DDX54: variants seen among roughly 807,000 people sequenced by gnomAD.
DDX54 encodes ATP-dependent RNA helicase DDX54.
A neutral mutation model predicts 105.5 loss-of-function variants in DDX54; 67 were observed. That is an observed-to-expected ratio of 0.64 (90% CI 0.52 to 0.78). DDX54 has a LOEUF of 0.78. Ranked by LOEUF, DDX54 falls within the 30% of genes least tolerant of loss-of-function variation. The probability of loss-of-function intolerance (pLI) is 0.00; values close to 1 mark genes in which losing one functional copy is unlikely to be tolerated. For missense variants in DDX54, 1,206 were observed against 1,230.5 expected, an observed-to-expected ratio of 0.98 and a Z score of 0.30; for synonymous variants, 514 against 509.9, an observed-to-expected ratio of 1.01 and a Z score of -0.11.
intron 1 of DDX54, 22 bp from the exon 2 acceptor site, chr12:113,181,080 G>A: frequency 1.2e-6 from 2 of 1,606,900 alleles, no homozygotes; most frequent in Non-Finnish European, 1.7e-6. Flanking sequence ...GGACAGAGAG[G>A]TGGTGTCACT....
chr12:113,171,085 T>G (rs994495083), intron 11 of DDX54, among the ~76,000 whole-genome samples: 4 of 152,162 alleles, frequency 2.6e-5, no homozygotes, highest in African/African-American at 9.7e-5. Context: ...AGAAATTCCC[T>G]TTGGGGGCGT....
intron 19 of DDX54, 109 bp from the exon 20 acceptor site, chr12:113,159,218 A>G (rs1175480568): frequency 3.3e-6 from 4 of 1,228,494 alleles, no homozygotes; most frequent in Admixed American, 2.4e-5. Flanking sequence ...TTCTGTGCTT[A>G]TTGCTGTGGC....
In DDX54 at chr12:113,163,101, T is replaced by C. The variant is rs745711580; in HGVS notation, c.2081+31A>G. 1 of 1,611,350 alleles carries C rather than the reference T, an allele frequency of 6.2e-7. No homozygotes were observed. The highest frequency in any genetic ancestry group is 1.1e-5 in the South Asian group (1 of 90,954). The stretch of plus-strand genomic sequence containing the variant: ...ATTGATGGGACCCAGCGGACCCAAC[T>C]GCCCCACCCAGGACCCAGCCAGCCA... On this transcript the variant is annotated intron_variant, in intron 16 of 19. Coordinates refer to ENST00000306014, the MANE Select transcript of DDX54 (RefSeq NM_024072.4). The surrounding 1 kb of genome is among the most constrained non-coding windows in gnomAD (Gnocchi z 5.9).
chr12:113,157,721 AC>A lies in DDX54; in HGVS notation c.*1155del. The A allele has an allele frequency of 6.8e-7, 1 of 1,481,100 alleles. No homozygotes were observed. The highest frequency in any genetic ancestry group is 9.2e-7 in the Non-Finnish European group (1 of 1,084,664). 91.7% of individuals were successfully genotyped at this position (1,481,100 alleles called of 1,614,324 possible). A position where few individuals can be genotyped will look rare whatever the true frequency, so the allele number is the denominator to read the frequency against. ...CAGCGGGAGAGGGAACCCCTGAGAG[AC>A]CCTGAGATAGGAGGGCCCACATTTC... On this transcript the variant is annotated 3_prime_UTR_variant, in exon 20 of 20. Coordinates refer to ENST00000306014, the MANE Select transcript of DDX54 (RefSeq NM_024072.4).
intron 19 of DDX54, among the ~76,000 whole-genome samples, chr12:113,160,495 C>G (rs542779610): frequency 6.6e-6 from 1 of 152,336 alleles, no homozygotes; most frequent in South Asian, 2.1e-4. Flanking sequence ...AGGACAGAGC[C>G]TGCCTGCACC....
Position 113,185,443 on chromosome 12 carries a change from G to T in DDX54, c.9C>A (p.Ala3=). 1.3e-6 allele frequency: 2 copies of T among 1,508,130 alleles called. No individual in the cohort carries two copies. The highest frequency in any genetic ancestry group is 8.8e-7 in the Non-Finnish European group (1 of 1,131,974). The allele number at this position is 1,508,130 out of a possible 1,614,324, so 93.4% of individuals were successfully genotyped here. Residue 3 remains alanine, a synonymous_variant, in exon 1 of 20, where the codon GCC becomes GCA. Transcript: ENST00000306014. MA[A]DKGPAAGPRS... ...GAGGTCCAGCCGCCGGGCCCTTGTC[G>T]GCCGCCATTCGGGCCGCGCGCTGGG...
Position 113,157,630 on chromosome 12 carries a change from C to A in DDX54, c.*1247G>T. 6.4e-7 allele frequency: 1 copy of A among 1,551,672 alleles called. No individual in the cohort carries two copies. The highest frequency in any genetic ancestry group is 8.7e-7 in the Non-Finnish European group (1 of 1,146,998). ...AAGCTGTTCATGCAGGACCTCTCTG[C>A]CATGCTGGCCGGCCTGGGTCAGGCT... is the stretch of plus-strand genomic sequence containing the variant. On this transcript the variant is annotated 3_prime_UTR_variant, in exon 20 of 20. Transcript: ENST00000306014.
chr12:113,160,589 G>A (rs756966055), intron 19 of DDX54, among the ~76,000 whole-genome samples: 1 of 152,158 alleles, frequency 6.6e-6, no homozygotes, highest in African/African-American at 2.4e-5. Flanking sequence ...ACCTTAGCTT[G>A]TTACTGGCTG....
At chr12:113,160,645 A>C (rs1952192049) in intron 19 of DDX54, among the ~76,000 whole-genome samples, 1 of 152,102 alleles carries the variant, frequency 6.6e-6, no homozygotes, top group South Asian at 2.1e-4. Context: ...CAGATGACCA[A>C]ATGTACCACT....
Position 113,180,963 on chromosome 12 carries a change from C to T in DDX54, c.270G>A (p.Lys90=), listed in dbSNP as rs763470495. The T allele has an allele frequency of 6.2e-7, 1 of 1,613,418 alleles. No individual in the cohort carries two copies. Among genetic ancestry groups the T allele is most frequent in the South Asian group, 1.1e-5 (1 of 90,960 alleles). ...GGAAGCCTCCAGACTTCTTCTTCTTCTTGTTCTGGGCACGCACCATCTCCC... is the reference window on the plus strand; with the variant it reads ...GGAAGCCTCCAGACTTCTTCTTCTTTTTGTTCTGGGCACGCACCATCTCCC... ...DTREMVRAQN[K]KKKKSGGFQS... is the part of the protein sequence containing the mutation. The change falls in exon 2 of 20, where the codon AAG becomes AAA. Residue 90 remains lysine (K), a synonymous_variant. Transcript: ENST00000306014.
chr12:113,176,749 C>G, intron 7 of DDX54, 91 bp downstream of exon 7: 1 of 1,403,186 alleles, frequency 7.1e-7, no homozygotes, highest in Non-Finnish European at 9.9e-7. Context: ...CCACACAGGG[C>G]TCTCCTGGCA....
chr12:113,158,951 C>G lies in DDX54; in HGVS notation c.2572G>C (p.Val858Leu). 6.2e-7 allele frequency: 1 copy of G among 1,611,490 alleles called. No homozygotes were observed. Among genetic ancestry groups the G allele is most frequent in the East Asian group, 2.2e-5 (1 of 44,846 alleles). ...KQLSARNRRR[V>L]QELQQGAFGR... ...AAGGCGCCCTGCTGCAGCTCCTGGA[C>G]GCGGCGGCGGTTGCGGGCAGAGAGC... Residue 858 changes from valine to leucine, a missense_variant, in exon 20 of 20, where the codon GTC becomes CTC. Physicochemically the swap from Val to Leu is conservative, Grantham distance 32 (BLOSUM62 1). This residue lies in a region of DDX54 where 961 missense variants were observed against 1,019.1 expected (regional missense o/e 0.94). Transcript: ENST00000306014. The surrounding 1 kb of genome is among the most constrained non-coding windows in gnomAD (Gnocchi z 4.9).
chr12:113,165,766 C>T, intron 13 of DDX54, 36 bp downstream of exon 13: 1 of 1,602,376 alleles, frequency 6.2e-7, no homozygotes, highest in Non-Finnish European at 8.5e-7. Flanking sequence ...GTCAGCAAGG[C>T]CCACCTGCCA....
At chr12:113,161,159 C>T in intron 19 of DDX54, 111 bp downstream of exon 19, 2 of 787,680 alleles carry the variant, frequency 2.5e-6, no homozygotes, top group Non-Finnish European at 3.8e-6. Flanking sequence ...CCCAACACAC[C>T]CAGCTCTGGG....
Position 113,179,827 on chromosome 12 carries a change from G to T in DDX54, c.375+108C>A, listed in dbSNP as rs58080793. 1,031 of 1,306,400 alleles carry T rather than the reference G, an allele frequency of 7.9e-4. 9 individuals carry two copies. In the African/African-American group the frequency reaches 0.01, roughly 13 times the overall value. The allele number at this position is 1,306,400 out of a possible 1,614,324, so 80.9% of individuals were successfully genotyped here. A position where few individuals can be genotyped will look rare whatever the true frequency, so the allele number is the denominator to read the frequency against. On this transcript the variant is annotated intron_variant, in intron 3 of 19. Transcript: ENST00000306014. ...TAGCTGGGGCTTCAGCAGAGTAAAG[G>T]GGGCAGGAGATGTGACAGGTGGGAC... is the stretch of plus-strand genomic sequence containing the variant.
At chr12:113,183,327 C>T (rs1952487932) in intron 1 of DDX54, among the ~76,000 whole-genome samples, 1 of 152,238 alleles carries the variant, frequency 6.6e-6, no homozygotes, top group African/African-American at 2.4e-5. Context: ...TACACTTAGA[C>T]TCCTCTTCTT....
intron 7 of DDX54, 21 bp downstream of exon 7, chr12:113,176,819 G>A: frequency 1.2e-6 from 2 of 1,613,260 alleles, no homozygotes; most frequent in Non-Finnish European, 1.7e-6. Context: ...CAAGTGCTCA[G>A]GGCTGGACCT....
chr12:113,159,523 C>A (rs1952179960), intron 19 of DDX54, among the ~76,000 whole-genome samples: 1 of 152,172 alleles, frequency 6.6e-6, no homozygotes, highest in Non-Finnish European at 1.5e-5. Context: ...AATTCTCCAA[C>A]CAAGGAGTGT....
rs535435951 is a variant in DDX54 at position 113,176,092 on chromosome 12, C to A, written c.752+748G>T. 3.3e-5 allele frequency among the ~76,000 whole-genome samples: 5 copies of A among 151,784 alleles called. No individual in the cohort carries two copies. The South Asian group carries it at 1.0e-3, about 32-fold the overall frequency. The stretch of plus-strand genomic sequence containing the variant: ...ATCAAGTCTTCTGGTCCTCACAACA[C>A]CCCTGTGAGGTACGTGCTACTTTAT... On this transcript the variant is annotated intron_variant, in intron 7 of 19. Coordinates refer to ENST00000306014, the MANE Select transcript of DDX54 (RefSeq NM_024072.4).
Sources: gnomAD v4.1 joint callset for allele counts (sites outside exome capture counted in the v4.1 genomes callset) on GRCh38, gnomAD v4.1.1 for gene constraint, gnomAD v4.1.1 regional missense constraint, Gnocchi (gnomAD v3.1) non-coding constraint, MANE v1.5 for transcripts, NCBI Gene and HGNC (gene_info 2026-07-23, HGNC 2026-07-21) for gene names.